The following CDK5RAP2 variants were observed in gnomAD, a reference collection of about 807,000 sequenced individuals.
CDK5RAP2 encodes CDK5 regulatory subunit-associated protein 2.
CDK5RAP2 carries 147 observed loss-of-function variants against 232.9 expected under a neutral mutation model. The observed-to-expected ratio is 0.63, with a 90% confidence interval of 0.55 to 0.72. The LOEUF (loss-of-function observed/expected upper bound fraction) is 0.72. CDK5RAP2 is among the 30% of genes least tolerant of loss of function. The pLI, the probability that CDK5RAP2 is intolerant of heterozygous loss-of-function variation, is 0.00. For synonymous variants in CDK5RAP2, 833 were observed against 833.7 expected, an observed-to-expected ratio of 1.00 and a Z score of 0.01; for missense variants, 2,195 against 2,231.5, an observed-to-expected ratio of 0.98 and a Z score of 0.33.
At chr9:120,426,306 A>G (rs1385364129) in intron 25 of CDK5RAP2, among the ~76,000 whole-genome samples, 4 of 152,236 alleles carry the variant, frequency 2.6e-5, no homozygotes, top group Non-Finnish European at 5.9e-5. Flanking sequence ...ACATGTGCCC[A>G]AAGTGACTGG....
At chr9:120,427,254 A>G (rs2034967930) in intron 25 of CDK5RAP2, among the ~76,000 whole-genome samples, 1 of 152,224 alleles carries the variant, frequency 6.6e-6, no homozygotes, top group South Asian at 2.1e-4. Context: ...ACAATAGCCA[A>G]TGAGCTTAAA....
intron 21 of CDK5RAP2, among the ~76,000 whole-genome samples, chr9:120,451,411 A>T (rs2036474045): frequency 6.6e-6 from 1 of 152,218 alleles, no homozygotes; most frequent in African/African-American, 2.4e-5. Flanking sequence ...GTAACTAAAC[A>T]ATTGAAAGGA....
intron 25 of CDK5RAP2, among the ~76,000 whole-genome samples, chr9:120,423,495 T>A (rs1344200226): frequency 6.6e-6 from 1 of 152,058 alleles, no homozygotes; most frequent in African/African-American, 2.4e-5. Context: ...TTTAAAAAAA[T>A]GACAAAAGAA....
At chr9:120,518,685 A>C (rs1441956462) in intron 11 of CDK5RAP2, 40 bp from the exon 12 acceptor site, 1 of 1,527,250 alleles carries the variant, frequency 6.5e-7, no homozygotes, top group Non-Finnish European at 9.1e-7. Context: ...GCTAATTTTC[A>C]TACCTCATGA....
At chr9:120,539,539 TG>T (rs1215726975) in intron 5 of CDK5RAP2, among the ~76,000 whole-genome samples, 1 of 152,262 alleles carries the variant, frequency 6.6e-6, no homozygotes, top group African/African-American at 2.4e-5. Flanking sequence ...ATTCAATGTA[TG>T]AAATGTACTA....
intron 35 of CDK5RAP2, among the ~76,000 whole-genome samples, chr9:120,397,796 G>T (rs2032648232): frequency 6.6e-6 from 1 of 152,112 alleles, no homozygotes; most frequent in African/African-American, 2.4e-5. Flanking sequence ...CCTACCTAGA[G>T]GGCTACAAAA....
At chr9:120,547,865 C>T (rs1284171610) in intron 4 of CDK5RAP2, among the ~76,000 whole-genome samples, 1 of 152,230 alleles carries the variant, frequency 6.6e-6, no homozygotes, top group East Asian at 1.9e-4. Context: ...GATGGACCAA[C>T]CACAGAAGAC....
chr9:120,418,469 A>G (rs12345505), intron 27 of CDK5RAP2, among the ~76,000 whole-genome samples: 3,092 of 152,308 alleles, frequency 0.02, 98 homozygotes, highest in African/African-American at 0.068. Context: ...TGGTTCCTCA[A>G]TCAAGTCTGC....
chr9:120,560,646 T>C (rs1196506321), intron 3 of CDK5RAP2, among the ~76,000 whole-genome samples: 1 of 152,144 alleles, frequency 6.6e-6, no homozygotes, highest in Non-Finnish European at 1.5e-5. Context: ...GACAAGAGTC[T>C]CTCTCTGTCA....
intron 28 of CDK5RAP2, among the ~76,000 whole-genome samples, chr9:120,411,970 G>C (rs897714640): frequency 4.1e-5 from 6 of 147,776 alleles, no homozygotes; most frequent in African/African-American, 1.3e-4. Flanking sequence ...CCACTGCCCA[G>C]TCAAGCAATC....
chr9:120,455,828 C>A (rs1002085792), intron 20 of CDK5RAP2, among the ~76,000 whole-genome samples: 1 of 151,956 alleles, frequency 6.6e-6, no homozygotes, highest in African/African-American at 2.4e-5. Context: ...TCCCCTCATG[C>A]TGGTCTAATC....
At position 120,524,639 on chromosome 9, in the gene CDK5RAP2, A is replaced by T. The variant is rs539093551; in HGVS notation, c.1092+347T>A. 1.2e-3 allele frequency among the ~76,000 whole-genome samples: 175 copies of T among 147,938 alleles called. 1 individual carries two copies. The highest frequency in any genetic ancestry group is 2.2e-3 in the Non-Finnish European group (143 of 66,508). ...AGCGACAGAGGGGGACTCTGTCTTAAAAAAAAAAAAAAATTTAAAAACACA... is the reference window on the plus strand; with the variant it reads ...AGCGACAGAGGGGGACTCTGTCTTATAAAAAAAAAAAAATTTAAAAACACA... On this transcript the variant is annotated intron_variant, in intron 11 of 37. Transcript: ENST00000349780.
At chr9:120,401,621 A>AG (rs1424582878) in intron 34 of CDK5RAP2, among the ~76,000 whole-genome samples, 1 of 150,864 alleles carries the variant, frequency 6.6e-6, no homozygotes, top group African/African-American at 2.4e-5. Flanking sequence ...AAAAAAAAAA[A>AG]AAAAAAAAAA....
chr9:120,410,273 A>G (rs1225637981), intron 29 of CDK5RAP2, among the ~76,000 whole-genome samples: 1 of 152,204 alleles, frequency 6.6e-6, no homozygotes, highest in Non-Finnish European at 1.5e-5. Flanking sequence ...CTCAAGCGCC[A>G]GACACATCAT....
intron 35 of CDK5RAP2, among the ~76,000 whole-genome samples, chr9:120,397,195 G>GA (rs1190383145): frequency 6.6e-6 from 1 of 152,100 alleles, no homozygotes. Flanking sequence ...TTTTTATGGT[G>GA]AAAAAAATCT....
rs1169614357 is a variant in CDK5RAP2 at position 120,571,983 on chromosome 9, C to G, written c.118G>C (p.Gly40Arg). ...GGTTTTGTGTACTTACGACCATTTC[C>G]CAACCCAGCATTGGGGTTGATGCCA... The part of the protein sequence containing the change: ...LDGINPNAGL[G>R]NGLLPNVSEE... Residue 40 changes from glycine (G) to arginine (R), a missense_variant, in exon 2 of 38, where the codon GGA becomes CGA. By Grantham distance (125) the Gly-to-Arg change is moderately radical. Transcript: ENST00000349780. The G allele has an allele frequency of 4.3e-6, 7 of 1,613,306 alleles. No homozygotes were observed. The highest frequency in any genetic ancestry group is 5.9e-6 in the Non-Finnish European group (7 of 1,179,358).
chr9:120,487,228 C>A, intron 14 of CDK5RAP2, 66 bp downstream of exon 14: 1 of 1,552,880 alleles, frequency 6.4e-7, no homozygotes, highest in African/African-American at 1.4e-5. Flanking sequence ...AAGGAGTTAT[C>A]AAATATGTTT....
At position 120,518,524 on chromosome 9, in the gene CDK5RAP2, G is replaced by A; in HGVS notation, c.1214C>T (p.Thr405Ile). The A allele has an allele frequency of 3.1e-6, 5 of 1,613,670 alleles. No homozygotes were observed. The highest frequency in any genetic ancestry group is 4.2e-6 in the Non-Finnish European group (5 of 1,179,948). Residue 405 changes from threonine to isoleucine, a missense_variant, in exon 12 of 38, where the codon ACC becomes ATC. Coordinates refer to ENST00000349780, the MANE Select transcript of CDK5RAP2 (RefSeq NM_018249.6). ...CTGCTGCAAGTCACTCAGCTCCTGG[G>A]TGATCTTCTTAATGCTTCTACGCAG... Reference protein sequence around the residue: ...HRLRRSIKKITQELSDLQQER... With the variant: ...HRLRRSIKKIIQELSDLQQER...
chr9:120,429,420 A>C (rs931859654), intron 25 of CDK5RAP2, among the ~76,000 whole-genome samples: 61 of 152,334 alleles, frequency 4.0e-4, no homozygotes, highest in African/African-American at 1.2e-3. Flanking sequence ...GTCTCAGGAT[A>C]CAAAATCGAT....
Sources: gnomAD v4.1 joint callset for allele counts (sites outside exome capture counted in the v4.1 genomes callset) on GRCh38, gnomAD v4.1.1 for gene constraint, MANE v1.5 for transcripts, NCBI Gene and HGNC (gene_info 2026-07-23, HGNC 2026-07-21) for gene names.